The following NAALADL2 variants were observed in gnomAD, a reference collection of about 807,000 sequenced individuals.
NAALADL2 encodes inactive N-acetylated-alpha-linked acidic dipeptidase-like protein 2.
Under a neutral mutation model 87.2 loss-of-function variants are expected in NAALADL2, and 76 were observed. That is an observed-to-expected ratio of 0.87 (90% confidence interval 0.72 to 1.05). The LOEUF (loss-of-function observed/expected upper bound fraction) is 1.05. Among genes scored for constraint, NAALADL2 ranks in the 50% least tolerant of loss-of-function variants. NAALADL2 has a pLI of 0.00. For missense variants in NAALADL2, 1,089 were observed against 945.8 expected, an observed-to-expected ratio of 1.15 and a Z score of -1.99; for synonymous variants, 354 against 331.0, an observed-to-expected ratio of 1.07 and a Z score of -0.75.
At chr3:175,334,874 G>A (rs115423751) in intron 5 of NAALADL2, among the ~76,000 whole-genome samples, 4 of 152,210 alleles carry the variant, frequency 2.6e-5, no homozygotes, top group South Asian at 2.1e-4. Flanking sequence ...CTGAAGATAC[G>A]ACCTATCAGA....
intron 2 of NAALADL2, among the ~76,000 whole-genome samples, chr3:175,210,962 A>C (rs1741692017): frequency 6.6e-6 from 1 of 151,820 alleles, no homozygotes; most frequent in South Asian, 2.1e-4. Flanking sequence ...TGGTGTTTCA[A>C]TAAGACCTAA....
intron 2 of NAALADL2, among the ~76,000 whole-genome samples, chr3:174,571,807 A>G (rs1230830723): frequency 6.6e-6 from 1 of 152,184 alleles, no homozygotes; most frequent in East Asian, 1.9e-4. Context: ...TGGGTAGGGA[A>G]TGACTCAAGA....
chr3:174,915,385 A>G (rs1396410044), intron 1 of NAALADL2, among the ~76,000 whole-genome samples: 2 of 152,106 alleles, frequency 1.3e-5, no homozygotes, highest in Non-Finnish European at 2.9e-5. Context: ...CTCCCTGTCA[A>G]TGAACAGAGT....
At chr3:174,672,957 T>G (rs1246679151) in intron 2 of NAALADL2, among the ~76,000 whole-genome samples, 1 of 151,932 alleles carries the variant, frequency 6.6e-6, no homozygotes, top group African/African-American at 2.4e-5. Flanking sequence ...GTCGTGGGGT[T>G]GTACACAGAG....
At chr3:174,876,147 T>G (rs78269395) in intron 1 of NAALADL2, among the ~76,000 whole-genome samples, 2,920 of 152,220 alleles carry the variant, frequency 0.019, 101 homozygotes, top group African/African-American at 0.066. Flanking sequence ...TTTAGCAGCA[T>G]AATACATTCT....
At chr3:175,203,088 C>T (rs1740300371) in intron 2 of NAALADL2, among the ~76,000 whole-genome samples, 1 of 152,094 alleles carries the variant, frequency 6.6e-6, no homozygotes, top group Non-Finnish European at 1.5e-5. Flanking sequence ...TTGGTTCTTC[C>T]CACACCTATG....
chr3:175,655,986 G>A (rs764842299), intron 11 of NAALADL2, among the ~76,000 whole-genome samples: 36 of 152,146 alleles, frequency 2.4e-4, no homozygotes, highest in Non-Finnish European at 3.5e-4. Flanking sequence ...TTTAACTCCT[G>A]AATTTTCCAT....
intron 2 of NAALADL2, among the ~76,000 whole-genome samples, chr3:174,593,587 A>G (rs2108592032): frequency 6.6e-6 from 1 of 152,232 alleles, no homozygotes; most frequent in South Asian, 2.1e-4. Flanking sequence ...ATTTTTATAT[A>G]GTAAGTAATG....
At chr3:175,209,868 T>C (rs973026046) in intron 2 of NAALADL2, among the ~76,000 whole-genome samples, 4 of 150,978 alleles carry the variant, frequency 2.6e-5, no homozygotes, top group Non-Finnish European at 5.9e-5. Flanking sequence ...AACACACTTA[T>C]GTGCAGCATT....
intron 3 of NAALADL2, among the ~76,000 whole-genome samples, chr3:174,796,277 A>G (rs1306544588): frequency 1.3e-5 from 2 of 152,196 alleles, no homozygotes; most frequent in Non-Finnish European, 2.9e-5. Flanking sequence ...TTATATGAGT[A>G]TATTGCATAC....
intron 2 of NAALADL2, among the ~76,000 whole-genome samples, chr3:175,179,391 A>C (rs1736139612): frequency 6.6e-6 from 1 of 151,988 alleles, no homozygotes; most frequent in African/African-American, 2.4e-5. Flanking sequence ...GAGAGGGAGA[A>C]AAAATAATGG....
At chr3:174,502,321 C>CAATTTGA (rs1279276554) in intron 1 of NAALADL2, among the ~76,000 whole-genome samples, 1 of 152,108 alleles carries the variant, frequency 6.6e-6, no homozygotes, top group East Asian at 1.9e-4. Flanking sequence ...GAAAATATAA[C>CAATTTGA]AGTTATAGTT....
chr3:175,000,595 C>T (rs576014792), intron 1 of NAALADL2, among the ~76,000 whole-genome samples: 1 of 152,254 alleles, frequency 6.6e-6, no homozygotes, highest in South Asian at 2.1e-4. Context: ...ATCACACATA[C>T]TTTATTCTTT....
intron 3 of NAALADL2, among the ~76,000 whole-genome samples, chr3:174,773,552 C>A (rs1381614550): frequency 6.6e-6 from 1 of 152,098 alleles, no homozygotes; most frequent in Admixed American, 6.5e-5. Flanking sequence ...ATGAACATAT[C>A]TAGTTAAAGT....
intron 4 of NAALADL2, among the ~76,000 whole-genome samples, chr3:175,257,642 A>G (rs1037192779): frequency 1.3e-5 from 2 of 152,280 alleles, no homozygotes; most frequent in African/African-American, 4.8e-5. Flanking sequence ...GATGTGACAA[A>G]ATATTAGAAA....
At chr3:175,741,398 C>T (rs774512000) in intron 12 of NAALADL2, among the ~76,000 whole-genome samples, 2 of 152,078 alleles carry the variant, frequency 1.3e-5, no homozygotes, top group Admixed American at 6.5e-5. Context: ...ATCCTACCTC[C>T]TAATACCATC....
intron 3 of NAALADL2, among the ~76,000 whole-genome samples, chr3:174,849,877 A>C (rs1238655904): frequency 6.6e-6 from 1 of 151,010 alleles, no homozygotes; most frequent in Non-Finnish European, 1.5e-5. Flanking sequence ...TGTTGTACCT[A>C]TTATTTTTGA....
intron 1 of NAALADL2, among the ~76,000 whole-genome samples, chr3:175,000,187 A>G (rs1243419704): frequency 6.6e-6 from 1 of 152,206 alleles, no homozygotes; most frequent in Non-Finnish European, 1.5e-5. Context: ...AAAGAGAAAT[A>G]AGACATGATT....
At chr3:174,466,980 G>C (rs1242752126) in intron 1 of NAALADL2, among the ~76,000 whole-genome samples, 1 of 152,102 alleles carries the variant, frequency 6.6e-6, no homozygotes, top group Non-Finnish European at 1.5e-5. Context: ...TGTCTGCACT[G>C]TCTTAGATTA....
Sources: allele counts gnomAD v4.1 joint callset (sites outside exome capture counted in the v4.1 genomes callset), GRCh38; gene constraint gnomAD v4.1.1; transcripts MANE v1.5; gene names NCBI Gene and HGNC (gene_info 2026-07-23, HGNC 2026-07-21).